WDR59: variants seen among roughly 807,000 people sequenced by gnomAD.
WDR59 encodes WD repeat domain 59, also known as GATOR2 complex protein WDR59.
Under a neutral mutation model 131.2 loss-of-function variants are expected in WDR59, and 100 were observed. The ratio of observed to expected loss-of-function variants is 0.76; its 90% CI spans 0.65 to 0.90. The LOEUF is 0.90. WDR59 is among the 40% of genes least tolerant of loss of function. The pLI is 0.00. For missense variants in WDR59, 1,203 were observed against 1,262.2 expected, an observed-to-expected ratio of 0.95 and a Z score of 0.71; for synonymous variants, 601 against 466.2, an observed-to-expected ratio of 1.29 and a Z score of -3.72.
At chr16:74,882,952 A>G (rs968449348) in intron 25 of WDR59, among the ~76,000 whole-genome samples, 4 of 143,412 alleles carry the variant, frequency 2.8e-5, no homozygotes, top group Admixed American at 1.4e-4. Flanking sequence ...GCCACTGCCC[A>G]CCCCATCGCT....
rs192573352 is a variant in WDR59, at chr16:74,895,913, C to G, written c.1867-2101G>C. On this transcript the variant is annotated intron_variant, in intron 18 of 25. Coordinates refer to ENST00000262144, the MANE Select transcript of WDR59 (RefSeq NM_030581.4). Reference sequence around the variant, plus strand: ...GAGGGTCATTTAGCCTATGTCTACCCTGCAGTGACAGTGAACAGCACAAGG... The same window carrying G: ...GAGGGTCATTTAGCCTATGTCTACCGTGCAGTGACAGTGAACAGCACAAGG... Among the ~76,000 whole-genome samples, 4 of 152,230 alleles carry G rather than the reference C, an allele frequency of 2.6e-5. No homozygotes were observed. The East Asian group carries it at 7.7e-4, about 29-fold the overall frequency.
At chr16:74,907,601 G>A (rs1335096954) in intron 17 of WDR59, among the ~76,000 whole-genome samples, 1 of 152,164 alleles carries the variant, frequency 6.6e-6, no homozygotes, top group South Asian at 2.1e-4. Flanking sequence ...GGCAATTCTT[G>A]CAGTGTGAGA....
At chr16:74,882,595 G>A (rs549182180) in intron 25 of WDR59, among the ~76,000 whole-genome samples, 1 of 152,058 alleles carries the variant, frequency 6.6e-6, no homozygotes, top group Non-Finnish European at 1.5e-5. Context: ...TATTTGTATT[G>A]TATTTTAGTA....
intron 8 of WDR59, among the ~76,000 whole-genome samples, chr16:74,927,908 CTT>C (rs539167503): frequency 3.2e-5 from 4 of 124,476 alleles, no homozygotes; most frequent in Non-Finnish European, 6.6e-5. Flanking sequence ...TTCTTTCTTT[CTT>C]TTTTTTTTTT....
intron 1 of WDR59, among the ~76,000 whole-genome samples, chr16:74,982,605 GCATGATA>G (rs1425149141): frequency 6.6e-6 from 1 of 152,142 alleles, no homozygotes; most frequent in East Asian, 1.9e-4. Context: ...AGGCTTAGAG[GCATGATA>G]CATGATTCTA....
intron 1 of WDR59, among the ~76,000 whole-genome samples, chr16:74,966,390 G>T (rs1056105770): frequency 6.6e-6 from 1 of 152,126 alleles, no homozygotes; most frequent in South Asian, 2.1e-4. Flanking sequence ...TGAGGCAGGA[G>T]AATCGCTTGA....
Position 74,909,643 on chromosome 16 carries a change from G to T in WDR59, c.1500C>A (p.Ser500Arg). 6.3e-7 allele frequency: 1 copy of T among 1,579,246 alleles called. No homozygotes were observed. Among genetic ancestry groups the T allele is most frequent in the East Asian group, 2.3e-5 (1 of 44,396 alleles). Residue 500 changes from serine (S) to arginine (R), a missense_variant, in exon 16 of 26, where the codon AGC becomes AGA. Transcript: ENST00000262144. ...GGAGTGCAAACGGGTTGCTGGAAGC[G>T]CTGTCTTCCTGGTTCTGAAATTTAA... is the stretch of plus-strand genomic sequence containing the variant. ...CLESFVNQEDSASSNPFALPN... is the reference protein window; with the variant it reads ...CLESFVNQEDRASSNPFALPN...
rs573707153 is a variant in WDR59, at chr16:74,916,315, T to C, written c.967-56A>G. The C allele has an allele frequency of 3.8e-4, 604 of 1,608,378 alleles. 7 individuals carry two copies. The South Asian group carries it at 6.4e-3, about 17-fold the overall frequency. On this transcript the variant is annotated intron_variant, in intron 11 of 25. Transcript: ENST00000262144. ...GAGAAGTCCGTGGAAATGATTGTCA[T>C]GTCTGATTAAAGAGTTCTGACTTAA...
intron 18 of WDR59, among the ~76,000 whole-genome samples, chr16:74,900,237 TG>T (rs531260124): frequency 7.9e-5 from 12 of 152,082 alleles, no homozygotes; most frequent in Non-Finnish European, 1.5e-4. Flanking sequence ...GGTAAGTGTT[TG>T]GGGGGTGATG....
chr16:74,914,739 G>A (rs940437323), intron 13 of WDR59, among the ~76,000 whole-genome samples: 7 of 151,816 alleles, frequency 4.6e-5, no homozygotes, highest in Admixed American at 6.6e-5. Flanking sequence ...GACTACAGGC[G>A]CACGCCACCA....
At chr16:74,961,696 G>A in intron 2 of WDR59, among the ~76,000 whole-genome samples, 1 of 152,098 alleles carries the variant, frequency 6.6e-6, no homozygotes, top group African/African-American at 2.4e-5. Flanking sequence ...TTAGACCTTT[G>A]TCAGATGAAT....
At chr16:74,976,409 T>A (rs959706433) in intron 1 of WDR59, among the ~76,000 whole-genome samples, 4 of 151,938 alleles carry the variant, frequency 2.6e-5, no homozygotes, top group Non-Finnish European at 5.9e-5. Flanking sequence ...TCTTTATGAA[T>A]CTAGGATACG....
In WDR59 at chr16:74,917,925, A is replaced by G; in HGVS notation, c.966+4T>C. ...ATTTCTCCACAATAGCACTGCATAC[A>G]TACCCTCTGCATCTGGGAATCCACC... On this transcript the variant is annotated splice_donor_region_variant and intron_variant, in intron 11 of 25. Transcript: ENST00000262144. 2 of 1,613,012 alleles carry G rather than the reference A, an allele frequency of 1.2e-6. No homozygotes were observed. Among genetic ancestry groups the G allele is most frequent in the Non-Finnish European group, 1.7e-6 (2 of 1,179,212 alleles).
chr16:74,903,751 CT>C (rs989844613), intron 18 of WDR59, among the ~76,000 whole-genome samples, 195 bp downstream of exon 18: 10 of 152,234 alleles, frequency 6.6e-5, no homozygotes, highest in African/African-American at 2.4e-4. Context: ...GAACGGCCCC[CT>C]GACCCATACA....
intron 7 of WDR59, among the ~76,000 whole-genome samples, chr16:74,941,962 C>G (rs1045840620): frequency 6.6e-6 from 1 of 152,114 alleles, no homozygotes; most frequent in African/African-American, 2.4e-5. Context: ...CATCTGTAGC[C>G]CCAGGTCTCA....
intron 21 of WDR59, 82 bp from the exon 22 acceptor site, chr16:74,888,401 G>A (rs891514214): frequency 9.9e-6 from 14 of 1,408,320 alleles, no homozygotes; most frequent in Non-Finnish European, 1.2e-5. Flanking sequence ...GCGTGTTACT[G>A]CCACAGGGGT....
At chr16:74,907,911 C>T (rs1251837984) in intron 17 of WDR59, among the ~76,000 whole-genome samples, 1 of 152,208 alleles carries the variant, frequency 6.6e-6, no homozygotes, top group African/African-American at 2.4e-5. Context: ...GTTTAGATAA[C>T]TTGCCCAAGG....
intron 1 of WDR59, among the ~76,000 whole-genome samples, chr16:74,981,614 A>G (rs892056086): frequency 1.1e-3 from 1 of 910 alleles, no homozygotes; most frequent in Non-Finnish European, 5.0e-3. Flanking sequence ...ATACATTTAC[A>G]TATATATATA....
chr16:74,978,848 T>C (rs1321585606), intron 1 of WDR59, among the ~76,000 whole-genome samples: 1 of 152,174 alleles, frequency 6.6e-6, no homozygotes, highest in East Asian at 1.9e-4. Flanking sequence ...TCAGCTGCTT[T>C]GGACATACAG....
Sources: gnomAD v4.1 joint callset for allele counts (sites outside exome capture counted in the v4.1 genomes callset) on GRCh38, gnomAD v4.1.1 for gene constraint, MANE v1.5 for transcripts, NCBI Gene and HGNC (gene_info 2026-07-23, HGNC 2026-07-21) for gene names.